Variants in ACOX2 observed in about 807,000 individuals in gnomAD.
ACOX2 encodes the protein peroxisomal acyl-coenzyme A oxidase 2.
Under a neutral mutation model 77.5 loss-of-function variants are expected in ACOX2, and 59 were observed. The ratio of observed to expected loss-of-function variants is 0.76; its 90% confidence interval spans 0.62 to 0.95. ACOX2 has a LOEUF of 0.95. Among genes scored for constraint, ACOX2 ranks in the 40% least tolerant of loss-of-function variants. ACOX2 has a pLI of 0.00. For missense variants in ACOX2, 837 were observed against 880.4 expected, an observed-to-expected ratio of 0.95 and a Z score of 0.62; for synonymous variants, 317 against 340.1, an observed-to-expected ratio of 0.93 and a Z score of 0.75.
At position 58,512,177 on chromosome 3, in the gene ACOX2, G is replaced by A. The variant is rs1044113397; in HGVS notation, c.1851-3152C>T. Among the ~76,000 whole-genome samples the A allele has an allele frequency of 6.6e-6, 1 of 152,154 alleles. No homozygotes were observed. The highest frequency in any genetic ancestry group is 2.1e-4 in the South Asian group (1 of 4,826). On this transcript the variant is annotated intron_variant, in intron 13 of 14. Transcript: ENST00000302819. This position sits in a 1 kb window ranked among gnomAD's most constrained non-coding sequence, Gnocchi z 4.8. ...AAACCTGGGCCTCCTGTAGTCTTCC[G>A]CATTTATAGTAAATGGCAGCTCTGC... is the stretch of plus-strand genomic sequence containing the variant.
chr3:58,536,105 C>G (rs1274041790), intron 1 of ACOX2, among the ~76,000 whole-genome samples: 3 of 152,020 alleles, frequency 2.0e-5, no homozygotes, highest in African/African-American at 7.3e-5. Context: ...CAACCCTACT[C>G]CACTCACCTC....
intron 12 of ACOX2, among the ~76,000 whole-genome samples, chr3:58,520,782 G>A (rs1383733119): frequency 6.6e-6 from 1 of 152,292 alleles, no homozygotes; most frequent in African/African-American, 2.4e-5. Flanking sequence ...TGTCAGGGAC[G>A]TGTTCTTCCC....
At chr3:58,510,699 TATATATATATACACACACACAC>T (rs1312887215) in intron 13 of ACOX2, among the ~76,000 whole-genome samples, 102 of 5,832 alleles carry the variant, frequency 0.017, no homozygotes, top group African/African-American at 0.038. Context: ...TATATATATA[TATATATATATACACACACACAC>T]ACACACACAC....
Position 58,522,426 on chromosome 3 carries a change from T to C in ACOX2, c.1632+70A>G. On this transcript the variant is annotated intron_variant, in intron 12 of 14. Coordinates refer to ENST00000302819, the MANE Select transcript of ACOX2 (RefSeq NM_003500.4). The surrounding 1 kb of genome is among the most constrained non-coding windows in gnomAD (Gnocchi z 4.3). ...TTGGGGAATAATGGCAGAGCCCGGA[T>C]TTTCCCAGCAGGGTAGCCTGCCTGG... 2.7e-6 allele frequency: 4 copies of C among 1,487,304 alleles called. No homozygotes were observed. The highest frequency in any genetic ancestry group is 3.7e-6 in the Non-Finnish European group (4 of 1,070,484). 92.1% of individuals were successfully genotyped at this position (1,487,304 alleles called of 1,614,324 possible).
chr3:58,536,149 C>T (rs1263571790), intron 1 of ACOX2, among the ~76,000 whole-genome samples: 3 of 152,094 alleles, frequency 2.0e-5, no homozygotes, highest in Admixed American at 6.5e-5. Flanking sequence ...TCATCCCTGG[C>T]CTCCACTCAT....
intron 9 of ACOX2, among the ~76,000 whole-genome samples, chr3:58,527,536 GAAAAAA>G (rs71625626): frequency 3.7e-5 from 4 of 107,754 alleles, no homozygotes; most frequent in Non-Finnish European, 7.1e-5. Context: ...ACTGTCTCAG[GAAAAAA>G]AAAAAAAAGA....
At position 58,526,639 on chromosome 3, in the gene ACOX2, C is replaced by G; in HGVS notation, c.1173G>C (p.Thr391=). The G allele has an allele frequency of 6.2e-7, 1 of 1,613,974 alleles. No individual in the cohort carries two copies. The highest frequency in any genetic ancestry group is 8.5e-7 in the Non-Finnish European group (1 of 1,179,960). ...ATTCTGACATCATGGCCTTCATGCCCGTGCTCAGTGCGTGGAGCTGTGAGA... is the reference window on the plus strand; with the variant it reads ...ATTCTGACATCATGGCCTTCATGCCGGTGCTCAGTGCGTGGAGCTGTGAGA... The part of the protein sequence containing the change: ...SFLPELHALS[T]GMKAMMSEFC... The change falls in exon 10 of 15, where the codon ACG becomes ACC. Residue 391 remains threonine, a synonymous_variant. Coordinates refer to ENST00000302819, the MANE Select transcript of ACOX2 (RefSeq NM_003500.4). This position sits in a 1 kb window ranked among gnomAD's most constrained non-coding sequence, Gnocchi z 4.3.
At chr3:58,517,573 G>C (rs140334884) in intron 12 of ACOX2, 150 bp from the exon 13 acceptor site, 221 of 492,372 alleles carry the variant, frequency 4.5e-4, no homozygotes, top group African/African-American at 4.2e-3. Flanking sequence ...CTAGCTCTGG[G>C]TCTGATCAAG....
At chr3:58,510,705 TATATACACAC>T (rs1265471113) in intron 13 of ACOX2, among the ~76,000 whole-genome samples, 3 of 3,928 alleles carry the variant, frequency 7.6e-4, no homozygotes, top group Non-Finnish European at 1.5e-3. Flanking sequence ...TATATATATA[TATATACACAC>T]ACACACACAC....
In ACOX2 at chr3:58,534,140, A is replaced by G. The variant is rs2063461487; in HGVS notation, c.329T>C (p.Leu110Pro). Residue 110 changes from leucine to proline, a missense_variant, in exon 4 of 15, where the codon CTT (leucine) becomes CCT (proline). Coordinates refer to ENST00000302819, the MANE Select transcript of ACOX2 (RefSeq NM_003500.4). The surrounding 1 kb of genome is among the most constrained non-coding windows in gnomAD (Gnocchi z 4.8). ...TATATTTAAGGCCACGTCTCCAGAA[A>G]GGGCTCTGTTGGGGAGAGATGCTGT... The part of the protein sequence containing the change: ...GRELGYAYRA[L>P]SGDVALNIHR... 1 of 1,614,056 alleles carries G rather than the reference A, an allele frequency of 6.2e-7. No individual in the cohort carries two copies. The highest frequency in any genetic ancestry group is 1.1e-5 in the South Asian group (1 of 91,088).
At position 58,524,604 on chromosome 3, in the gene ACOX2, A is replaced by T; in HGVS notation, c.1348T>A (p.Phe450Ile). The change falls in exon 11 of 15, where the codon TTC becomes ATC. Residue 450 changes from phenylalanine (F) to isoleucine (I), a missense_variant and splice_region_variant. Coordinates refer to ENST00000302819, the MANE Select transcript of ACOX2 (RefSeq NM_003500.4). The surrounding 1 kb of genome is among the most constrained non-coding windows in gnomAD (Gnocchi z 5.5). The stretch of plus-strand genomic sequence containing the variant: ...GTCTGCAGGTAGCTCTTCACCAGGA[A>T]CCTGGGGGTTGGAAGAGGAGGCAGG... ...NTVLYLQVAR[F>I]LVKSYLQTQM... The T allele has an allele frequency of 6.2e-7, 1 of 1,613,748 alleles. No individual in the cohort carries two copies. The highest frequency in any genetic ancestry group is 8.5e-7 in the Non-Finnish European group (1 of 1,179,942).
At chr3:58,507,062 T>C (rs2063239872) in intron 14 of ACOX2, among the ~76,000 whole-genome samples, 1 of 152,196 alleles carries the variant, frequency 6.6e-6, no homozygotes, top group Non-Finnish European at 1.5e-5. Context: ...CTAAGGTCAT[T>C]TGTAACTTCA....
intron 13 of ACOX2, among the ~76,000 whole-genome samples, chr3:58,511,875 G>C (rs747882558): frequency 3.9e-5 from 6 of 152,202 alleles, no homozygotes; most frequent in African/African-American, 1.2e-4. Context: ...AACTGGATCT[G>C]TTCATGTTTT....
chr3:58,529,257 C>A (rs372937824), intron 8 of ACOX2: 5 of 201,108 alleles, frequency 2.5e-5, no homozygotes, highest in Non-Finnish European at 5.0e-5. Context: ...GACTCCAACA[C>A]GTCTGGTCCC....
At chr3:58,520,371 G>A (rs1490328134) in intron 12 of ACOX2, among the ~76,000 whole-genome samples, 2 of 152,244 alleles carry the variant, frequency 1.3e-5, no homozygotes, top group Non-Finnish European at 2.9e-5. Flanking sequence ...TTATAATGAG[G>A]CCAGCATTTG....
intron 14 of ACOX2, 91 bp downstream of exon 14, chr3:58,508,802 G>A (rs571163588): frequency 2.3e-5 from 35 of 1,514,036 alleles, no homozygotes; most frequent in Middle Eastern, 1.7e-4. Flanking sequence ...CCAACCTAAC[G>A]GGAATCAATT....
rs777307009 is a variant in ACOX2 at position 58,530,478 on chromosome 3, C to T, written c.980G>A (p.Arg327Gln). The change falls in exon 8 of 15, where the codon CGG becomes CAG. Residue 327 changes from arginine to glutamine, a missense_variant. Transcript: ENST00000302819. Reference protein sequence around the residue: ...MRYSVIRRQSRLRPSDPEAKV... With the variant: ...MRYSVIRRQSQLRPSDPEAKV... The stretch of plus-strand genomic sequence containing the variant: ...GGGCACCCCTTGCCTGGGCCGGAGC[C>T]GGGATTGGCGGCGGATGACCGAGTA... The T allele has an allele frequency of 2.2e-5, 36 of 1,613,832 alleles. No individual in the cohort carries two copies. The East Asian group carries it at 4.0e-4, about 18-fold the overall frequency.
Position 58,515,030 on chromosome 3 carries a change from TTTTTTTTC to T in ACOX2, c.1850+2168_1850+2175del, listed in dbSNP as rs2063312327. The stretch of plus-strand genomic sequence containing the variant: ...TGATGATTTAACTGAACAAACTTTT[TTTTTTTTC>T]TTGAGATGGAGTCTCACTCTTGTCG... On this transcript the variant is annotated intron_variant, in intron 13 of 14. Transcript: ENST00000302819. This position sits in a 1 kb window ranked among gnomAD's most constrained non-coding sequence, Gnocchi z 4.0. 1.3e-5 allele frequency among the ~76,000 whole-genome samples: 2 copies of T among 152,188 alleles called. No individual in the cohort carries two copies. The highest frequency in any genetic ancestry group is 1.3e-4 in the Admixed American group (2 of 15,276).
rs747212979 is a variant in ACOX2 at position 58,508,955 on chromosome 3, A to G, written c.1921T>C (p.Tyr641His). The G allele has an allele frequency of 9.3e-6, 15 of 1,614,096 alleles. No individual in the cohort carries two copies. In the African/African-American group the frequency reaches 1.6e-4, roughly 17 times the overall value. Reference protein sequence around the residue: ...DQCLNSALGCYDGNVYERLFQ... With the variant: ...DQCLNSALGCHDGNVYERLFQ... ...AGGCGTTCGTAGACGTTTCCATCATAACAGCCAAGTGCTGAATTTAAACAC... is the reference window on the plus strand; with the variant it reads ...AGGCGTTCGTAGACGTTTCCATCATGACAGCCAAGTGCTGAATTTAAACAC... The change falls in exon 14 of 15, where the codon TAT (tyrosine) becomes CAT (histidine). Residue 641 changes from tyrosine to histidine, a missense_variant. By Grantham distance (83) the Tyr-to-His change is moderately conservative (BLOSUM62 2). Coordinates refer to ENST00000302819, the MANE Select transcript of ACOX2 (RefSeq NM_003500.4).
Sources: allele counts gnomAD v4.1 joint callset (sites outside exome capture counted in the v4.1 genomes callset), GRCh38; gene constraint gnomAD v4.1.1; non-coding constraint Gnocchi (gnomAD v3.1); transcripts MANE v1.5; gene names NCBI Gene and HGNC (gene_info 2026-07-23, HGNC 2026-07-21).